The following GPC6 variants were observed in gnomAD, a reference collection of about 807,000 sequenced individuals.
GPC6 encodes glypican-6.
A neutral mutation model predicts 55.2 loss-of-function variants in GPC6; 14 were observed. The ratio of observed to expected loss-of-function variants is 0.25; its 90% CI spans 0.17 to 0.40. The LOEUF is 0.40. Among genes scored for constraint, GPC6 ranks in the 10% least tolerant of loss-of-function variants. GPC6 has a pLI of 1.00. For synonymous variants in GPC6, 278 were observed against 259.6 expected (o/e 1.07, Z -0.68); for missense variants, 641 against 708.5 (o/e 0.90, Z 1.08).
intron 1 of GPC6, among the ~76,000 whole-genome samples, chr13:93,320,394 A>G (rs1594094291): frequency 1.4e-5 from 2 of 145,584 alleles, no homozygotes; most frequent in South Asian, 4.2e-4. Flanking sequence ...TATTAAAGAA[A>G]GTGCTCAAAG....
At chr13:93,517,618 C>T (rs982448380) in intron 1 of GPC6, among the ~76,000 whole-genome samples, 1 of 152,024 alleles carries the variant, frequency 6.6e-6, no homozygotes, top group Admixed American at 6.6e-5. Context: ...TCCAACTAGA[C>T]TTCAGTGGCT....
Position 94,178,025 on chromosome 13 carries a change from A to AT in GPC6, c.878-108313dup, listed in dbSNP as rs767978319. 4.3e-4 allele frequency among the ~76,000 whole-genome samples: 57 copies of AT among 132,972 alleles called. 1 individual carries two copies. Among genetic ancestry groups the AT allele is most frequent in the East Asian group, 1.3e-3 (6 of 4,794 alleles). 87.2% of individuals were successfully genotyped at this position (132,972 alleles called of 152,430 possible). A position where few individuals can be genotyped will look rare whatever the true frequency, so the allele number is the denominator to read the frequency against. On this transcript the variant is annotated intron_variant, in intron 4 of 8. Transcript: ENST00000377047. ...ATCATTCTTTTTCAGTGGCCTTTTA[A>AT]TTTTTTTTTTTGAGATGGAGTCTCA...
chr13:93,459,986 A>C (rs182304599), intron 1 of GPC6, among the ~76,000 whole-genome samples: 36 of 152,310 alleles, frequency 2.4e-4, no homozygotes, highest in African/African-American at 7.7e-4. Context: ...GCCCTTCTCA[A>C]GGCTAACTTT....
intron 4 of GPC6, among the ~76,000 whole-genome samples, chr13:94,071,463 A>C (rs1884733357): frequency 6.6e-6 from 1 of 152,192 alleles, no homozygotes; most frequent in South Asian, 2.1e-4. Flanking sequence ...TGACTTCCAC[A>C]TGCCCTTTGT....
At chr13:93,236,191 A>G (rs1876227550) in intron 1 of GPC6, among the ~76,000 whole-genome samples, 1 of 152,208 alleles carries the variant, frequency 6.6e-6, no homozygotes, top group Non-Finnish European at 1.5e-5. Context: ...GCTGATGATC[A>G]TAGCATGGCT....
intron 3 of GPC6, among the ~76,000 whole-genome samples, chr13:93,938,745 G>T (rs1878569848): frequency 6.6e-6 from 1 of 152,170 alleles, no homozygotes; most frequent in African/African-American, 2.4e-5. Context: ...TGCAGGAAAA[G>T]AAGAAACTTC....
At chr13:94,308,006 A>T (rs1001505816) in intron 6 of GPC6, among the ~76,000 whole-genome samples, 8 of 152,216 alleles carry the variant, frequency 5.3e-5, no homozygotes, top group African/African-American at 1.4e-4. Flanking sequence ...ACTTAAAAAA[A>T]AACTGTTAAG....
At chr13:93,518,759 T>C (rs1297133912) in intron 1 of GPC6, among the ~76,000 whole-genome samples, 1 of 151,968 alleles carries the variant, frequency 6.6e-6, no homozygotes, top group Non-Finnish European at 1.5e-5. Context: ...AATTCTTAAA[T>C]ATGATTAAGA....
chr13:93,658,676 A>G (rs759843231), intron 2 of GPC6, among the ~76,000 whole-genome samples: 24 of 151,882 alleles, frequency 1.6e-4, no homozygotes, highest in Non-Finnish European at 3.0e-4. Context: ...CTACCTTACA[A>G]TGTATTATCA....
rs1594099103 is a variant in GPC6, at chr13:93,327,470, A to G, written c.160+99854A>G. Among the ~76,000 whole-genome samples the G allele has an allele frequency of 2.6e-5, 4 of 152,164 alleles. No homozygotes were observed. In the East Asian group the frequency reaches 7.7e-4, roughly 29 times the overall value. On this transcript the variant is annotated intron_variant, in intron 1 of 8. Transcript: ENST00000377047. ...CTCTACTTTCATTTAACAGGAAAAA[A>G]ATCAATTGCATAGGAGAAAATAGAG... is the stretch of plus-strand genomic sequence containing the variant.
chr13:94,270,519 A>T (rs1369005139), intron 4 of GPC6, among the ~76,000 whole-genome samples: 1 of 152,246 alleles, frequency 6.6e-6, no homozygotes, highest in African/African-American at 2.4e-5. Context: ...TATTAGAGTT[A>T]ACATCTGAAA....
At chr13:94,367,641 GGT>G (rs887944603) in intron 6 of GPC6, among the ~76,000 whole-genome samples, 47 of 151,694 alleles carry the variant, frequency 3.1e-4, no homozygotes, top group African/African-American at 1.1e-3. Context: ...CCCTTAATAT[GGT>G]GTGATCAGCT....
At position 93,788,543 on chromosome 13, in the gene GPC6, A is replaced by C. The variant is rs183870355; in HGVS notation, c.320-41611A>C. Among the ~76,000 whole-genome samples the C allele has an allele frequency of 4.7e-3, 705 of 150,690 alleles. 4 individuals are homozygous for C. The highest frequency in any genetic ancestry group is 0.016 in the African/African-American group (635 of 40,958). Reference sequence around the variant, plus strand: ...TACACACACACACACACACACACACACCTTGTCTGCTTGACAAAATCTCTT... The same window carrying C: ...TACACACACACACACACACACACACCCCTTGTCTGCTTGACAAAATCTCTT... On this transcript the variant is annotated intron_variant, in intron 2 of 8. Coordinates refer to ENST00000377047, the MANE Select transcript of GPC6 (RefSeq NM_005708.5).
chr13:94,321,228 G>A (rs1054051366), intron 6 of GPC6, among the ~76,000 whole-genome samples: 3 of 152,192 alleles, frequency 2.0e-5, no homozygotes, highest in African/African-American at 7.2e-5. Context: ...TTCTATCCAT[G>A]TAGCTGCAAA....
Position 94,403,105 on chromosome 13 carries a change from C to T in GPC6, c.1556C>T (p.Ala519Val), listed in dbSNP as rs1303096042. Residue 519 changes from alanine to valine, a missense_variant, in exon 9 of 9, where the codon GCA (alanine) becomes GTA (valine). Ala to Val is a moderately conservative substitution (Grantham distance 64). Coordinates refer to ENST00000377047, the MANE Select transcript of GPC6 (RefSeq NM_005708.5). ...EFEFVTTEAP[A>V]VDPDRREVDS... ...GAGTTTGTCACCACAGAGGCCCCCG[C>T]AGTGGATCCCGACCGGAGAGAGGTG... The T allele has an allele frequency of 8.1e-6, 13 of 1,613,580 alleles. No homozygotes were observed. The highest frequency in any genetic ancestry group is 1.1e-5 in the Non-Finnish European group (13 of 1,179,560).
chr13:93,294,297 A>G (rs1258763916), intron 1 of GPC6, among the ~76,000 whole-genome samples: 1 of 152,170 alleles, frequency 6.6e-6, no homozygotes, highest in Non-Finnish European at 1.5e-5. Flanking sequence ...TTTCCCAAAG[A>G]CATAATCTGG....
At chr13:94,169,884 G>A (rs780127376) in intron 4 of GPC6, among the ~76,000 whole-genome samples, 11 of 151,958 alleles carry the variant, frequency 7.2e-5, no homozygotes, top group African/African-American at 1.9e-4. Flanking sequence ...CTCAGTTCCA[G>A]AGAAAATGAA....
intron 4 of GPC6, among the ~76,000 whole-genome samples, chr13:94,109,637 C>T (rs542520970): frequency 6.6e-6 from 1 of 152,062 alleles, no homozygotes; most frequent in Non-Finnish European, 1.5e-5. Context: ...TATTCAGTTA[C>T]AGGAGTCTTT....
chr13:94,335,837 T>G lies in GPC6; in HGVS notation c.1152+29714T>G, dbSNP rs1019138605. Among the ~76,000 whole-genome samples, 4 of 152,246 alleles carry G rather than the reference T, an allele frequency of 2.6e-5. No individual in the cohort carries two copies. The East Asian group carries it at 7.7e-4, about 29-fold the overall frequency. ...CCATGCCAAAATCAGCACCATCTGT[T>G]AAATTCCCTCATCGTTCTCTTCCTG... On this transcript the variant is annotated intron_variant, in intron 6 of 8. Transcript: ENST00000377047.
Sources: allele counts gnomAD v4.1 joint callset (sites outside exome capture counted in the v4.1 genomes callset), GRCh38; gene constraint gnomAD v4.1.1; transcripts MANE v1.5; gene names NCBI Gene and HGNC (gene_info 2026-07-23, HGNC 2026-07-21).